The following TP63 variants were observed in gnomAD, a reference collection of about 807,000 sequenced individuals.
TP63 encodes tumor protein p63, also known as tumor protein 63.
TP63 carries 17 observed loss-of-function variants against 82.8 expected under a neutral mutation model. The ratio of observed to expected loss-of-function variants is 0.21; its 90% CI spans 0.14 to 0.31. The LOEUF is 0.31. Ranked by LOEUF, TP63 falls within the 10% of genes least tolerant of loss-of-function variation. TP63 has a pLI of 1.00. For missense variants in TP63, 648 were observed against 895.3 expected, an observed-to-expected ratio of 0.72 and a Z score of 3.52; for synonymous variants, 330 against 321.7, an observed-to-expected ratio of 1.03 and a Z score of -0.28.
chr3:189,694,250 C>T (rs1484841786), intron 1 of TP63, among the ~76,000 whole-genome samples: 2 of 152,164 alleles, frequency 1.3e-5, no homozygotes, highest in Non-Finnish European at 2.9e-5. Flanking sequence ...ATAACCCACA[C>T]CCAGTTTTTC....
At chr3:189,764,040 C>G (rs1476673130) in intron 3 of TP63, among the ~76,000 whole-genome samples, 2 of 152,138 alleles carry the variant, frequency 1.3e-5, no homozygotes, top group Non-Finnish European at 2.9e-5. Flanking sequence ...GGATGGGTGG[C>G]TGGGGATGTG....
the TP63 span, among the ~76,000 whole-genome samples, chr3:189,623,183 T>C: frequency 6.6e-6 from 1 of 152,172 alleles, no homozygotes; most frequent in Non-Finnish European, 1.5e-5. Context: ...TGCATCTCCT[T>C]GCCTTCCAGA....
At chr3:189,684,645 T>C (rs1234334998) in intron 1 of TP63, among the ~76,000 whole-genome samples, 1 of 151,256 alleles carries the variant, frequency 6.6e-6, no homozygotes, top group Non-Finnish European at 1.5e-5. Flanking sequence ...TTTTTTTTTT[T>C]TTTGAGATGA....
At chr3:189,716,856 T>A (rs1311431052) in intron 1 of TP63, among the ~76,000 whole-genome samples, 1 of 151,980 alleles carries the variant, frequency 6.6e-6, no homozygotes, top group Non-Finnish European at 1.5e-5. Flanking sequence ...TGTAGTGCAG[T>A]GGCGCAATCT....
At chr3:189,599,618 C>T in the TP63 span, among the ~76,000 whole-genome samples, 1 of 152,180 alleles carries the variant, frequency 6.6e-6, no homozygotes, top group Non-Finnish European at 1.5e-5. Context: ...TTAATGAGGT[C>T]TACCAGTTTC....
the TP63 span, among the ~76,000 whole-genome samples, chr3:189,613,843 C>T: frequency 6.6e-6 from 1 of 152,332 alleles, no homozygotes; most frequent in Non-Finnish European, 1.5e-5. Context: ...TTTGGACTTG[C>T]ATGGGCCCTG....
Position 189,867,859 on chromosome 3 carries a change from G to A in TP63, c.909G>A (p.Leu303=), listed in dbSNP as rs903033270. The part of the protein sequence containing the change: ...PQVGTEFTTV[L]YNFMCNSSCV... ...TTGGCACTGAATTCACGACAGTCTTGTACAATTTCATGTGTAACAGCAGTT... is the reference window on the plus strand; with the variant it reads ...TTGGCACTGAATTCACGACAGTCTTATACAATTTCATGTGTAACAGCAGTT... Residue 303 remains leucine (L), a synonymous_variant, in exon 7 of 14, where the codon TTG becomes TTA. Coordinates refer to ENST00000264731, the MANE Select transcript of TP63 (RefSeq NM_003722.5). 4 of 1,613,958 alleles carry A rather than the reference G, an allele frequency of 2.5e-6. No homozygotes were observed. The highest frequency in any genetic ancestry group is 1.7e-5 in the Admixed American group (1 of 60,000).
intron 4 of TP63, among the ~76,000 whole-genome samples, chr3:189,810,221 G>A (rs1727384081): frequency 6.6e-6 from 1 of 152,114 alleles, no homozygotes; most frequent in Admixed American, 6.5e-5. Flanking sequence ...AGAGTTTATA[G>A]GCTTCAAATA....
At chr3:189,874,292 G>A (rs951677048) in intron 10 of TP63, among the ~76,000 whole-genome samples, 2 of 152,128 alleles carry the variant, frequency 1.3e-5, no homozygotes, top group African/African-American at 2.4e-5. Context: ...GGCTGGTCGC[G>A]AACTCCTGAA....
At chr3:189,711,073 G>C (rs1218171775) in intron 1 of TP63, among the ~76,000 whole-genome samples, 1 of 152,164 alleles carries the variant, frequency 6.6e-6, no homozygotes, top group African/African-American at 2.4e-5. Flanking sequence ...ATTGGTTACA[G>C]TGCCCATGTC....
intron 3 of TP63, among the ~76,000 whole-genome samples, chr3:189,804,911 T>C (rs749056850): frequency 1.3e-5 from 2 of 152,234 alleles, no homozygotes; most frequent in African/African-American, 4.8e-5. Context: ...TGATTGTGTG[T>C]AGTAGGCTGA....
chr3:189,886,919 G>C (rs1720503527), intron 11 of TP63, among the ~76,000 whole-genome samples: 1 of 152,086 alleles, frequency 6.6e-6, no homozygotes, highest in Non-Finnish European at 1.5e-5. Context: ...TTAAAATCTA[G>C]AGAAATAGGC....
At chr3:189,726,642 C>T (rs1250868083) in intron 1 of TP63, among the ~76,000 whole-genome samples, 1 of 152,140 alleles carries the variant, frequency 6.6e-6, no homozygotes, top group Non-Finnish European at 1.5e-5. Context: ...TAAAAAAAAT[C>T]AGGTGTGAAC....
At position 189,813,569 on chromosome 3, in the gene TP63, G is replaced by A. The variant is rs148982602; in HGVS notation, c.579+5043G>A. On this transcript the variant is annotated intron_variant, in intron 4 of 13. Transcript: ENST00000264731. ...CATGACACGAGAGTACTCTCTGTGT[G>A]CATACGCCATGAAAATCCTCAGGTT... 7.3e-3 allele frequency among the ~76,000 whole-genome samples: 1,094 copies of A among 150,456 alleles called. 10 individuals are homozygous for A. Among genetic ancestry groups the A allele is most frequent in the African/African-American group, 0.026 (1,062 of 41,050 alleles).
chr3:189,629,688 A>C (rs1729394648), upstream of TP63, among the ~76,000 whole-genome samples: 1 of 152,186 alleles, frequency 6.6e-6, no homozygotes, highest in Non-Finnish European at 1.5e-5. Flanking sequence ...CTGAACCAGA[A>C]TCTGCATTAA....
chr3:189,824,293 T>G (rs1418338061), intron 4 of TP63, among the ~76,000 whole-genome samples: 1 of 152,102 alleles, frequency 6.6e-6, no homozygotes, highest in South Asian at 2.1e-4. Context: ...CTTGGCTCAC[T>G]GCAACCTCTG....
chr3:189,693,688 A>G (rs1409975487), intron 1 of TP63, among the ~76,000 whole-genome samples: 1 of 152,206 alleles, frequency 6.6e-6, no homozygotes, highest in Non-Finnish European at 1.5e-5. Flanking sequence ...ATATACGGCT[A>G]TAGTAAAATG....
chr3:189,763,616 G>T (rs1045609048), intron 3 of TP63, among the ~76,000 whole-genome samples: 3 of 152,144 alleles, frequency 2.0e-5, no homozygotes, highest in Non-Finnish European at 4.4e-5. Flanking sequence ...GAAAGCTCAG[G>T]AAATAGCCTG....
intron 1 of TP63, among the ~76,000 whole-genome samples, chr3:189,733,518 C>T (rs1271450952): frequency 6.6e-6 from 1 of 152,120 alleles, no homozygotes; most frequent in Admixed American, 6.5e-5. Context: ...TCAGGCATCC[C>T]GTTTGGATCT....
Sources: allele counts gnomAD v4.1 joint callset (sites outside exome capture counted in the v4.1 genomes callset), GRCh38; gene constraint gnomAD v4.1.1; transcripts MANE v1.5; gene names NCBI Gene and HGNC (gene_info 2026-07-23, HGNC 2026-07-21).